ARPC2: variants seen among roughly 807,000 people sequenced by gnomAD.
ARPC2 encodes actin-related protein 2/3 complex subunit 2.
ARPC2 carries 4 observed loss-of-function variants against 38.6 expected under a neutral mutation model. That is an observed-to-expected ratio of 0.10 (90% confidence interval 0.05 to 0.24). The LOEUF (loss-of-function observed/expected upper bound fraction) is 0.24. Among genes scored for constraint, ARPC2 ranks in the 10% least tolerant of loss-of-function variants. The pLI is 1.00. For synonymous variants in ARPC2, 125 were observed against 140.8 expected, an observed-to-expected ratio of 0.89 and a Z score of 0.79; for missense variants, 229 against 387.3, an observed-to-expected ratio of 0.59 and a Z score of 3.43.
Position 218,217,508 on chromosome 2 carries a change from A to T in ARPC2, c.38A>T (p.Glu13Val). Reference protein sequence around the residue: ...LLEVNNRIIEETLALKFENAA... With the variant: ...LLEVNNRIIEVTLALKFENAA... ...GAGGTGAACAACCGCATCATCGAGG[A>T]GACGCTCGCGCTCAAGTTCGAGAAC... The change falls in exon 2 of 11, where the codon GAG becomes GTG. Residue 13 changes from glutamate to valine, a missense_variant. Glu to Val is a moderately radical substitution (Grantham distance 121). Around this residue, in one of 3 missense-constraint regions of ARPC2, gnomAD observed 135 missense variants for 214.1 expected, o/e 0.63. Coordinates refer to ENST00000315717, the MANE Select transcript of ARPC2 (RefSeq NM_152862.3). 1 of 1,613,708 alleles carries T rather than the reference A, an allele frequency of 6.2e-7. No individual in the cohort carries two copies. Among genetic ancestry groups the T allele is most frequent in the Non-Finnish European group, 8.5e-7 (1 of 1,179,850 alleles).
chr2:218,234,569 T>C (rs773878518), intron 5 of ARPC2, 172 bp downstream of exon 5: 1 of 599,056 alleles, frequency 1.7e-6, no homozygotes, highest in Admixed American at 3.2e-5. Flanking sequence ...GGGCTTTGCT[T>C]TGTCCAATAT....
intron 7 of ARPC2, among the ~76,000 whole-genome samples, chr2:218,244,062 A>C (rs1016903396): frequency 2.0e-5 from 3 of 152,208 alleles, no homozygotes; most frequent in Non-Finnish European, 2.9e-5. Context: ...GTAGAATAAA[A>C]AATGTTTTCT....
chr2:218,226,817 T>G (rs1478493520), intron 3 of ARPC2, among the ~76,000 whole-genome samples: 3 of 139,888 alleles, frequency 2.1e-5, no homozygotes, highest in East Asian at 3.9e-4. Context: ...TTTTGTTGTG[T>G]TTTTTTTTTA....
rs1689850178 is a variant in ARPC2 at position 218,239,188 on chromosome 2, A to G, written c.456-203A>G. On this transcript the variant is annotated intron_variant, in intron 6 of 10. Coordinates refer to ENST00000315717, the MANE Select transcript of ARPC2 (RefSeq NM_152862.3). ...TACAAGTCAATAAAATCTACTTCTGATAATTTCCATCTGCTGCCTCTCTTA... is the reference window on the plus strand; with the variant it reads ...TACAAGTCAATAAAATCTACTTCTGGTAATTTCCATCTGCTGCCTCTCTTA... The G allele has an allele frequency of 6.8e-6, 4 of 587,456 alleles. No individual in the cohort carries two copies. In the South Asian group the frequency reaches 8.7e-5, roughly 13 times the overall value. The allele number at this position is 587,456 out of a possible 1,614,324, so 36.4% of individuals were successfully genotyped here.
intron 5 of ARPC2, chr2:218,234,912 A>T (rs1046990852): frequency 2.2e-6 from 1 of 456,634 alleles, no homozygotes; most frequent in Non-Finnish European, 4.4e-6. Flanking sequence ...GTCATCCTTG[A>T]ATAGAACAGC....
At chr2:218,247,789 A>G (rs1003019941) in intron 8 of ARPC2, among the ~76,000 whole-genome samples, 2 of 152,116 alleles carry the variant, frequency 1.3e-5, no homozygotes, top group African/African-American at 4.8e-5. Context: ...AAAAAATACA[A>G]AAACTTAGCT....
chr2:218,253,829 G>C, intron 10 of ARPC2, 62 bp from the exon 11 acceptor site: 1 of 1,595,282 alleles, frequency 6.3e-7, no homozygotes, highest in South Asian at 1.1e-5. Flanking sequence ...TAGTCTAGGA[G>C]TGTGGGGTGG....
intron 8 of ARPC2, among the ~76,000 whole-genome samples, 198 bp from the exon 9 acceptor site, chr2:218,249,166 T>A (rs1023343336): frequency 6.6e-6 from 1 of 152,146 alleles, no homozygotes; most frequent in African/African-American, 2.4e-5. Flanking sequence ...GCTCCTCCAT[T>A]CACGCTCGTT....
At chr2:218,232,726 T>A (rs1472388155) in intron 4 of ARPC2, among the ~76,000 whole-genome samples, 4 of 151,792 alleles carry the variant, frequency 2.6e-5, no homozygotes, top group Admixed American at 2.6e-4. Flanking sequence ...CCTGCCACCA[T>A]GCCCAGCTAA....
At chr2:218,237,921 G>A (rs550051681) in intron 5 of ARPC2, among the ~76,000 whole-genome samples, 20 of 152,148 alleles carry the variant, frequency 1.3e-4, no homozygotes, top group Middle Eastern at 3.4e-3. Context: ...AGTTCTGTTC[G>A]ACTCAAAATA....
intron 4 of ARPC2, among the ~76,000 whole-genome samples, chr2:218,232,827 C>T (rs945173105): frequency 3.3e-5 from 5 of 152,028 alleles, no homozygotes; most frequent in South Asian, 4.1e-4. Flanking sequence ...CACCCCGCCT[C>T]GGCCTCCCAA....
chr2:218,246,045 C>T (rs971010453), intron 8 of ARPC2, among the ~76,000 whole-genome samples: 1 of 151,842 alleles, frequency 6.6e-6, no homozygotes, highest in African/African-American at 2.4e-5. Flanking sequence ...GAAACTCTGT[C>T]TCTACTAAAA....
chr2:218,225,006 GC>G (rs755283327), intron 2 of ARPC2, among the ~76,000 whole-genome samples: 5 of 152,284 alleles, frequency 3.3e-5, no homozygotes, highest in Admixed American at 6.5e-5. Context: ...TTGTTTGCTA[GC>G]CCCTAAAACA....
At chr2:218,236,986 T>G (rs565089062) in intron 5 of ARPC2, among the ~76,000 whole-genome samples, 1 of 152,180 alleles carries the variant, frequency 6.6e-6, no homozygotes, top group Admixed American at 6.5e-5. Context: ...TTGACACTTA[T>G]TAATCATTTG....
Position 218,238,791 on chromosome 2 carries a change from A to G in ARPC2, c.396A>G (p.Gln132=). Reference sequence around the variant, plus strand: ...TCTTTGAAAAATACTTCCAATTCCAAGAAGAGGGCAAGGAAGGAGAGAACA... The same window carrying G: ...TCTTTGAAAAATACTTCCAATTCCAGGAAGAGGGCAAGGAAGGAGAGAACA... ...ASVFEKYFQF[Q]EEGKEGENRA... is the part of the protein sequence containing the mutation. The change falls in exon 6 of 11, where the codon CAA becomes CAG. Residue 132 remains glutamine, a synonymous_variant. Transcript: ENST00000315717. The G allele has an allele frequency of 1.2e-6, 2 of 1,613,958 alleles. No homozygotes were observed. The highest frequency in any genetic ancestry group is 1.7e-6 in the Non-Finnish European group (2 of 1,179,948).
At chr2:218,235,889 G>C (rs1689757005) in intron 5 of ARPC2, 2 of 152,240 alleles carry the variant, frequency 1.3e-5, no homozygotes, top group African/African-American at 4.8e-5. Flanking sequence ...AGAAGTTCAG[G>C]ACCAGCCTGG....
intron 8 of ARPC2, among the ~76,000 whole-genome samples, chr2:218,247,874 C>T (rs1475201289): frequency 6.6e-6 from 1 of 151,072 alleles, no homozygotes; most frequent in Non-Finnish European, 1.5e-5. Flanking sequence ...ACCTGGGAGG[C>T]GGAGCTTGCA....
chr2:218,249,628 TC>T, intron 9 of ARPC2, 164 bp downstream of exon 9: 1 of 734,222 alleles, frequency 1.4e-6, no homozygotes, highest in Non-Finnish European at 2.2e-6. Flanking sequence ...CAAGCCACTG[TC>T]CCCCATCCCT....
intron 10 of ARPC2, among the ~76,000 whole-genome samples, chr2:218,251,501 G>A (rs557149488): frequency 5.3e-5 from 8 of 151,390 alleles, no homozygotes; most frequent in South Asian, 4.2e-4. Flanking sequence ...GTGAGCCACC[G>A]CGCCCAGCCC....
Sources: allele counts gnomAD v4.1 joint callset (sites outside exome capture counted in the v4.1 genomes callset), GRCh38; gene constraint gnomAD v4.1.1; regional missense constraint gnomAD v4.1.1; transcripts MANE v1.5; gene names NCBI Gene and HGNC (gene_info 2026-07-23, HGNC 2026-07-21).